Variants in GALNT17 observed in about 807,000 individuals in gnomAD.
GALNT17 encodes the protein polypeptide N-acetylgalactosaminyltransferase 17.
In GALNT17, 29 loss-of-function variants were observed where a neutral mutation model predicts 63.7. The ratio of observed to expected loss-of-function variants is 0.46; its 90% CI spans 0.34 to 0.62. The LOEUF (loss-of-function observed/expected upper bound fraction) is 0.62. GALNT17 is among the 20% of genes least tolerant of loss of function. The pLI is 0.01. For missense variants in GALNT17, 603 were observed against 799.6 expected (o/e 0.75, Z 2.97); for synonymous variants, 305 against 318.3 (o/e 0.96, Z 0.45).
chr7:71,136,228 C>G (rs1049264453), intron 1 of GALNT17, among the ~76,000 whole-genome samples: 2 of 152,140 alleles, frequency 1.3e-5, no homozygotes, highest in African/African-American at 4.8e-5. Context: ...GACACGTGCT[C>G]TCTTGCTCTG....
intron 2 of GALNT17, among the ~76,000 whole-genome samples, chr7:71,375,092 G>C (rs545950278): frequency 2.6e-5 from 4 of 151,858 alleles, no homozygotes; most frequent in Non-Finnish European, 4.4e-5. Context: ...CACCCACCTC[G>C]GCCTCCCAAA....
intron 1 of GALNT17, among the ~76,000 whole-genome samples, chr7:71,220,473 A>G (rs1054343977): frequency 2.0e-5 from 3 of 152,194 alleles, no homozygotes; most frequent in African/African-American, 7.2e-5. Context: ...CTGAGAACAC[A>G]GTGTATGCGA....
intron 5 of GALNT17, among the ~76,000 whole-genome samples, chr7:71,433,273 C>G (rs560131094): frequency 1.2e-4 from 19 of 152,234 alleles, no homozygotes; most frequent in Admixed American, 1.1e-3. Flanking sequence ...TCTGGTGAGT[C>G]TAACTAAAGA....
intron 5 of GALNT17, among the ~76,000 whole-genome samples, chr7:71,461,421 C>T (rs1174911203): frequency 6.6e-6 from 1 of 152,092 alleles, no homozygotes; most frequent in Non-Finnish European, 1.5e-5. Flanking sequence ...ATTAAGAAAC[C>T]AAGTACCTTT....
At chr7:71,232,558 A>T (rs2867045) in intron 1 of GALNT17, among the ~76,000 whole-genome samples, 3,391 of 152,168 alleles carry the variant, frequency 0.022, 117 homozygotes, top group African/African-American at 0.077. Flanking sequence ...TTGGGGCTTA[A>T]CCTGGGAAGG....
intron 5 of GALNT17, among the ~76,000 whole-genome samples, chr7:71,446,445 T>A (rs1233591098): frequency 6.6e-6 from 1 of 152,242 alleles, no homozygotes; most frequent in Non-Finnish European, 1.5e-5. Context: ...CTACAAATAA[T>A]GTAAAATTTA....
intron 1 of GALNT17, among the ~76,000 whole-genome samples, chr7:71,323,165 C>A (rs1455019815): frequency 6.6e-6 from 1 of 152,116 alleles, no homozygotes; most frequent in South Asian, 2.1e-4. Flanking sequence ...GTGTAATCTG[C>A]ATGATTGATG....
chr7:71,135,221 T>C (rs1199600683), intron 1 of GALNT17, among the ~76,000 whole-genome samples: 1 of 152,134 alleles, frequency 6.6e-6, no homozygotes, highest in Non-Finnish European at 1.5e-5. Context: ...ATAGGAATAA[T>C]AAAATTCTAT....
intron 6 of GALNT17, among the ~76,000 whole-genome samples, chr7:71,610,458 T>G (rs1790109710): frequency 6.6e-6 from 1 of 151,608 alleles, no homozygotes; most frequent in Non-Finnish European, 1.5e-5. Flanking sequence ...CCAGCCTGGG[T>G]GACAGAGTGA....
chr7:71,530,566 AT>A (rs1788702470), intron 5 of GALNT17, among the ~76,000 whole-genome samples: 1 of 149,316 alleles, frequency 6.7e-6, no homozygotes, highest in Non-Finnish European at 1.5e-5. Flanking sequence ...TTATTTATTT[AT>A]TTATTTATTT....
chr7:71,339,651 C>T (rs954255097), intron 2 of GALNT17, among the ~76,000 whole-genome samples: 1 of 151,710 alleles, frequency 6.6e-6, no homozygotes, highest in Non-Finnish European at 1.5e-5. Flanking sequence ...GATCATGCCA[C>T]TGCACTCCAG....
intron 9 of GALNT17, among the ~76,000 whole-genome samples, chr7:71,687,931 C>G (rs554928392): frequency 6.6e-6 from 1 of 151,964 alleles, no homozygotes; most frequent in African/African-American, 2.4e-5. Context: ...CTCCTAGGCT[C>G]GAGTGATTCT....
intron 9 of GALNT17, among the ~76,000 whole-genome samples, chr7:71,694,036 A>G (rs1791502579): frequency 6.6e-6 from 1 of 152,036 alleles, no homozygotes; most frequent in Non-Finnish European, 1.5e-5. Flanking sequence ...GGTTTAATGG[A>G]CTCACAGTTC....
At chr7:71,300,065 A>G (rs1303876029) in intron 1 of GALNT17, among the ~76,000 whole-genome samples, 1 of 152,110 alleles carries the variant, frequency 6.6e-6, no homozygotes, top group Admixed American at 6.6e-5. Context: ...GTCGTAAGCC[A>G]CTGCACCCTG....
chr7:71,522,047 G>A (rs1006163206), intron 5 of GALNT17, among the ~76,000 whole-genome samples: 4 of 152,106 alleles, frequency 2.6e-5, no homozygotes, highest in East Asian at 3.9e-4. Flanking sequence ...GCTAATTAGC[G>A]ATGAGACCGA....
chr7:71,628,817 A>G (rs1790413744), intron 6 of GALNT17, among the ~76,000 whole-genome samples: 2 of 152,036 alleles, frequency 1.3e-5, no homozygotes, highest in African/African-American at 4.8e-5. Context: ...CTGTAATCCC[A>G]GCTACTCAGG....
At chr7:71,168,459 C>T (rs1197362402) in intron 1 of GALNT17, among the ~76,000 whole-genome samples, 3 of 152,010 alleles carry the variant, frequency 2.0e-5, no homozygotes, top group Non-Finnish European at 4.4e-5. Flanking sequence ...GTAACCCCAG[C>T]TACTCAGGAG....
chr7:71,696,302 G>C (rs1052361612), intron 9 of GALNT17, among the ~76,000 whole-genome samples: 2 of 151,536 alleles, frequency 1.3e-5, no homozygotes, highest in Non-Finnish European at 2.9e-5. Flanking sequence ...TTATAGAGAC[G>C]GTGTTTCACT....
Position 71,240,706 on chromosome 7 carries a change from C to A in GALNT17, c.239-94844C>A, listed in dbSNP as rs565771174. ...TTTTGAGATGGAGTCTCGCTGTCGC[C>A]CAGGCTGGAGTGCAGTGGTGCGATC... On this transcript the variant is annotated intron_variant, in intron 1 of 10. Coordinates refer to ENST00000333538, the MANE Select transcript of GALNT17 (RefSeq NM_022479.3). Among the ~76,000 whole-genome samples the A allele has an allele frequency of 2.9e-3, 438 of 151,218 alleles. 1 individual carries two copies. Among genetic ancestry groups the A allele is most frequent in the Middle Eastern group, 0.024 (7 of 292 alleles).
Sources: gnomAD v4.1 joint callset for allele counts (sites outside exome capture counted in the v4.1 genomes callset) on GRCh38, gnomAD v4.1.1 for gene constraint, MANE v1.5 for transcripts, NCBI Gene and HGNC (gene_info 2026-07-23, HGNC 2026-07-21) for gene names.